Variants in CCDC73 observed in about 807,000 individuals in gnomAD.
CCDC73 encodes the protein coiled-coil domain-containing protein 73.
In CCDC73, 95 loss-of-function variants were observed where a neutral mutation model predicts 116.5. The observed-to-expected ratio is 0.82, with a 90% CI of 0.69 to 0.97. The LOEUF (loss-of-function observed/expected upper bound fraction) is 0.97, where lower values mean the gene tolerates loss of function less well. Ranked by LOEUF, CCDC73 falls within the 50% of genes least tolerant of loss-of-function variation. The probability of loss-of-function intolerance (pLI) is 0.00; values close to 1 mark genes in which losing one functional copy is unlikely to be tolerated. For missense variants in CCDC73, 1,066 were observed against 1,206.8 expected (o/e 0.88, Z 1.73); for synonymous variants, 398 against 401.3 (o/e 0.99, Z 0.10).
At chr11:32,786,976 T>C (rs997040476) in intron 1 of CCDC73, among the ~76,000 whole-genome samples, 1 of 152,220 alleles carries the variant, frequency 6.6e-6, no homozygotes, top group Non-Finnish European at 1.5e-5. Context: ...ATCAATCATG[T>C]ACAGGGATAA....
At chr11:32,664,799 C>T (rs1054402972) in intron 9 of CCDC73, among the ~76,000 whole-genome samples, 5 of 152,118 alleles carry the variant, frequency 3.3e-5, no homozygotes, top group Admixed American at 3.3e-4. Flanking sequence ...GCATTTACTG[C>T]TATAAATTTC....
chr11:32,689,353 G>GA (rs1856233336), intron 6 of CCDC73, among the ~76,000 whole-genome samples: 4 of 152,022 alleles, frequency 2.6e-5, no homozygotes. Context: ...AAGTTCATCA[G>GA]AAAAATACAG....
chr11:32,675,464 C>A, intron 9 of CCDC73, 101 bp downstream of exon 9: 1 of 664,648 alleles, frequency 1.5e-6, no homozygotes, highest in Non-Finnish European at 2.5e-6. Context: ...ACAATTTATC[C>A]TCTACCAAAA....
chr11:32,789,106 T>C (rs1217123911), intron 1 of CCDC73, among the ~76,000 whole-genome samples: 1 of 152,164 alleles, frequency 6.6e-6, no homozygotes, highest in African/African-American at 2.4e-5. Flanking sequence ...AATTAACCTA[T>C]GGAGATGAGA....
At chr11:32,773,892 T>C (rs1850510989) in intron 1 of CCDC73, among the ~76,000 whole-genome samples, 1 of 152,158 alleles carries the variant, frequency 6.6e-6, no homozygotes, top group South Asian at 2.1e-4. Context: ...ACCTCCCTAA[T>C]GTCAATATGT....
At chr11:32,622,429 T>C (rs1053022182) in intron 14 of CCDC73, among the ~76,000 whole-genome samples, 1 of 152,152 alleles carries the variant, frequency 6.6e-6, no homozygotes, top group African/African-American at 2.4e-5. Flanking sequence ...AAATACCGCA[T>C]GTTCTTATTC....
At chr11:32,606,963 G>A (rs968452837) in intron 17 of CCDC73, among the ~76,000 whole-genome samples, 1 of 150,780 alleles carries the variant, frequency 6.6e-6, no homozygotes, top group Non-Finnish European at 1.5e-5. Context: ...TTTTAGTAGA[G>A]ACCTGGTTTC....
chr11:32,625,802 A>G (rs1855567140), intron 14 of CCDC73, among the ~76,000 whole-genome samples: 1 of 152,080 alleles, frequency 6.6e-6, no homozygotes, highest in Non-Finnish European at 1.5e-5. Context: ...AAAACTCTCA[A>G]TAAATTAGGT....
intron 2 of CCDC73, among the ~76,000 whole-genome samples, chr11:32,741,821 C>A (rs117813439): frequency 1.3e-5 from 2 of 151,984 alleles, no homozygotes; most frequent in Admixed American, 6.6e-5. Flanking sequence ...TCACCCACCC[C>A]CCACAGGCCC....
intron 9 of CCDC73, among the ~76,000 whole-genome samples, chr11:32,662,155 G>A (rs1855935163): frequency 6.6e-6 from 1 of 152,214 alleles, no homozygotes; most frequent in Admixed American, 6.5e-5. Flanking sequence ...ACGTGTGCAT[G>A]TGTCTTTATA....
chr11:32,745,026 T>C (rs1850222212), intron 2 of CCDC73, among the ~76,000 whole-genome samples: 1 of 152,232 alleles, frequency 6.6e-6, no homozygotes, highest in Non-Finnish European at 1.5e-5. Flanking sequence ...TTTCCTGCTT[T>C]CTCTTGTGGG....
the CCDC73 span, among the ~76,000 whole-genome samples, chr11:32,822,740 T>C: frequency 6.6e-6 from 1 of 151,276 alleles, no homozygotes; most frequent in African/African-American, 2.4e-5. Context: ...TTTTTTGAAG[T>C]AATGACTTAG....
intron 6 of CCDC73, among the ~76,000 whole-genome samples, chr11:32,690,612 G>A (rs1260099848): frequency 6.6e-6 from 1 of 152,110 alleles, no homozygotes; most frequent in Non-Finnish European, 1.5e-5. Context: ...TTGTTTAAAA[G>A]TGTGTAGCAC....
intron 3 of CCDC73, among the ~76,000 whole-genome samples, chr11:32,716,152 A>G (rs1849942323): frequency 6.6e-6 from 1 of 152,184 alleles, no homozygotes; most frequent in African/African-American, 2.4e-5. Flanking sequence ...ATTTGAGGGA[A>G]TGCAACCAGG....
At chr11:32,608,610 G>C (rs1448120449) in intron 17 of CCDC73, among the ~76,000 whole-genome samples, 1 of 152,172 alleles carries the variant, frequency 6.6e-6, no homozygotes, top group African/African-American at 2.4e-5. Flanking sequence ...ATGGGGTCTA[G>C]AGGATGGTGG....
intron 2 of CCDC73, among the ~76,000 whole-genome samples, chr11:32,719,034 AG>A (rs1192685151): frequency 6.6e-6 from 1 of 152,206 alleles, no homozygotes; most frequent in Non-Finnish European, 1.5e-5. Flanking sequence ...TCAAGTAAAA[AG>A]AACAAGGAGA....
the CCDC73 span, among the ~76,000 whole-genome samples, chr11:32,815,999 G>C: frequency 6.6e-6 from 1 of 152,154 alleles, no homozygotes; most frequent in Non-Finnish European, 1.5e-5. Context: ...TAATCAATTG[G>C]ATATGGAAGG....
At chr11:32,789,731 C>T (rs1465607995) in intron 1 of CCDC73, among the ~76,000 whole-genome samples, 1 of 152,156 alleles carries the variant, frequency 6.6e-6, no homozygotes, top group Non-Finnish European at 1.5e-5. Context: ...TATGATCGTG[C>T]CACTACACTC....
intron 1 of CCDC73, among the ~76,000 whole-genome samples, chr11:32,761,166 C>T (rs35733667): frequency 0.16 from 23,821 of 151,972 alleles, 1,997 homozygotes; most frequent in South Asian, 0.27. Context: ...TATCTATCTC[C>T]GTAATTTTGT....
Sources: gnomAD v4.1 joint callset for allele counts (sites outside exome capture counted in the v4.1 genomes callset) on GRCh38, gnomAD v4.1.1 for gene constraint, MANE v1.5 for transcripts, NCBI Gene and HGNC (gene_info 2026-07-23, HGNC 2026-07-21) for gene names.